SEC22A: variants seen among roughly 807,000 people sequenced by gnomAD.
The protein encoded by SEC22A is vesicle-trafficking protein SEC22a.
SEC22A carries 22 observed loss-of-function variants against 35.3 expected under a neutral mutation model. The ratio of observed to expected loss-of-function variants is 0.62; its 90% CI spans 0.45 to 0.89. The LOEUF (loss-of-function observed/expected upper bound fraction) is 0.89. SEC22A is among the 40% of genes least tolerant of loss of function. SEC22A has a pLI of 0.00. For synonymous variants in SEC22A, 119 were observed against 129.5 expected (o/e 0.92, Z 0.55); for missense variants, 354 against 362.5 (o/e 0.98, Z 0.19).
At chr3:123,211,699 T>C (rs548508886) in intron 2 of SEC22A, among the ~76,000 whole-genome samples, 1 of 152,166 alleles carries the variant, frequency 6.6e-6, no homozygotes, top group South Asian at 2.1e-4. Flanking sequence ...GCTCAAGTGA[T>C]CCTCCTGCTT....
At chr3:123,231,887 T>C (rs1293159289) in intron 4 of SEC22A, among the ~76,000 whole-genome samples, 2 of 152,126 alleles carry the variant, frequency 1.3e-5, no homozygotes, top group Non-Finnish European at 2.9e-5. Context: ...AAAAGTTGGT[T>C]CTTTGAAAAA....
At chr3:123,208,025 G>A (rs968516792) in intron 1 of SEC22A, among the ~76,000 whole-genome samples, 6 of 152,102 alleles carry the variant, frequency 3.9e-5, no homozygotes, top group Admixed American at 3.9e-4. Flanking sequence ...CCATTTCTTA[G>A]AGGTGAGCAT....
In SEC22A at chr3:123,264,752, C is replaced by T. The variant is rs142029270; in HGVS notation, c.723+5163C>T. Among the ~76,000 whole-genome samples the T allele has an allele frequency of 3.3e-3, 507 of 151,858 alleles. 1 individual carries two copies. The highest frequency in any genetic ancestry group is 0.011 in the African/African-American group (468 of 41,372). ...TAAGTGATTCTTCCGCCTTAGCCAC[C>T]CGAGTAGCTAGGATTACAGGTACCC... On this transcript the variant is annotated intron_variant, in intron 6 of 6. Coordinates refer to ENST00000492595, the MANE Select transcript of SEC22A (RefSeq NM_012430.5).
chr3:123,216,318 G>A (rs1230396109), intron 2 of SEC22A, among the ~76,000 whole-genome samples: 2 of 152,084 alleles, frequency 1.3e-5, no homozygotes, highest in Non-Finnish European at 2.9e-5. Context: ...AGTGAGAAAG[G>A]GTGAATTGGG....
intron 3 of SEC22A, 87 bp from the exon 4 acceptor site, chr3:123,225,016 T>G (rs933802350): frequency 6.2e-5 from 51 of 824,436 alleles, no homozygotes; most frequent in South Asian, 1.2e-4. Flanking sequence ...ATAAACTACC[T>G]GTAATATTTA....
chr3:123,245,591 C>T (rs561336316), intron 4 of SEC22A, among the ~76,000 whole-genome samples: 92 of 151,830 alleles, frequency 6.1e-4, no homozygotes, highest in African/African-American at 1.6e-3. Flanking sequence ...CGTAGATAGT[C>T]GGGAATCTGA....
intron 6 of SEC22A, among the ~76,000 whole-genome samples, chr3:123,269,179 ATGTGTGTGTG>A (rs200267944): frequency 1.1e-4 from 13 of 120,736 alleles, no homozygotes; most frequent in East Asian, 4.5e-4. Flanking sequence ...AATTAAATAT[ATGTGTGTGTG>A]TGTGTGTGTG....
At chr3:123,235,549 T>C (rs919503682) in intron 4 of SEC22A, among the ~76,000 whole-genome samples, 8 of 152,184 alleles carry the variant, frequency 5.3e-5, no homozygotes, top group Non-Finnish European at 5.9e-5. Flanking sequence ...GATGAGGATA[T>C]AGAGAAATTG....
chr3:123,261,148 G>C (rs1335488477), intron 6 of SEC22A, among the ~76,000 whole-genome samples: 2 of 151,998 alleles, frequency 1.3e-5, no homozygotes, highest in African/African-American at 4.8e-5. Flanking sequence ...AAAATTGCTT[G>C]ATTTTCTTAA....
chr3:123,247,920 A>G (rs1417406033), intron 5 of SEC22A, among the ~76,000 whole-genome samples: 1 of 152,220 alleles, frequency 6.6e-6, no homozygotes, highest in Non-Finnish European at 1.5e-5. Context: ...CTTAGAAGCC[A>G]ATTAATCCAT....
chr3:123,225,007 TAAAC>T, intron 3 of SEC22A, 92 bp from the exon 4 acceptor site: 1 of 788,858 alleles, frequency 1.3e-6, no homozygotes, highest in South Asian at 2.0e-5. Flanking sequence ...TTTTGAATAA[TAAAC>T]TACCTGTAAT....
At chr3:123,267,771 T>G (rs1938058561) in intron 6 of SEC22A, among the ~76,000 whole-genome samples, 1 of 152,226 alleles carries the variant, frequency 6.6e-6, no homozygotes, top group Admixed American at 6.5e-5. Flanking sequence ...CAAATTATCT[T>G]AATCTTTCAT....
chr3:123,246,784 T>C (rs1192707137), intron 5 of SEC22A, among the ~76,000 whole-genome samples: 2 of 152,258 alleles, frequency 1.3e-5, no homozygotes, highest in Admixed American at 1.3e-4. Context: ...GAATCAGTCC[T>C]CTTTTTTTGG....
intron 6 of SEC22A, among the ~76,000 whole-genome samples, chr3:123,268,038 A>T (rs1938064918): frequency 6.6e-6 from 1 of 152,144 alleles, no homozygotes; most frequent in Non-Finnish European, 1.5e-5. Flanking sequence ...TAGAGGAGGG[A>T]TTCATTGCCA....
At chr3:123,227,374 T>A (rs1937233271) in intron 4 of SEC22A, among the ~76,000 whole-genome samples, 1 of 151,974 alleles carries the variant, frequency 6.6e-6, no homozygotes, top group African/African-American at 2.4e-5. Flanking sequence ...CTTAGACTAG[T>A]CTACTTCATA....
chr3:123,208,077 C>T (rs563773856), intron 1 of SEC22A, among the ~76,000 whole-genome samples: 13 of 152,102 alleles, frequency 8.5e-5, no homozygotes, highest in African/African-American at 3.1e-4. Flanking sequence ...TTTTTCAATC[C>T]CTTTTTCCTT....
rs1937134526 is a variant in SEC22A, at chr3:123,222,143, CT to C, written c.183-1411del. Reference sequence around the variant, plus strand: ...TTATAGCATTTTTTTTTTTTTATTGCTTTTTGGCACAGGATTTGGACTAGTG... The same window carrying C: ...TTATAGCATTTTTTTTTTTTTATTGCTTTTGGCACAGGATTTGGACTAGTG... On this transcript the variant is annotated intron_variant, in intron 2 of 6. Coordinates refer to ENST00000492595, the MANE Select transcript of SEC22A (RefSeq NM_012430.5). 2.8e-5 allele frequency among the ~76,000 whole-genome samples: 4 copies of C among 144,542 alleles called. No individual in the cohort carries two copies. The East Asian group carries it at 6.1e-4, about 22-fold the overall frequency. The allele number at this position is 144,542 out of a possible 152,430, so 94.8% of individuals were successfully genotyped here. A position where few individuals can be genotyped will look rare whatever the true frequency, so the allele number is the denominator to read the frequency against.
At chr3:123,267,582 C>T (rs4677998) in intron 6 of SEC22A, among the ~76,000 whole-genome samples, 5 of 152,130 alleles carry the variant, frequency 3.3e-5, no homozygotes, top group African/African-American at 9.6e-5. Flanking sequence ...TTTTTTTTAA[C>T]CATCAAACAT....
Position 123,265,210 on chromosome 3 carries a change from G to A in SEC22A, c.723+5621G>A, listed in dbSNP as rs577009605. 4.6e-5 allele frequency among the ~76,000 whole-genome samples: 7 copies of A among 152,210 alleles called. No homozygotes were observed. In the East Asian group the frequency reaches 1.2e-3, roughly 25 times the overall value. ...GAGATTAAAGTATACAAGAGGATGTGCATAAGTTAAATGCAAATATTGTGC... is the reference window on the plus strand; with the variant it reads ...GAGATTAAAGTATACAAGAGGATGTACATAAGTTAAATGCAAATATTGTGC... On this transcript the variant is annotated intron_variant, in intron 6 of 6. Transcript: ENST00000492595.
Sources: allele counts gnomAD v4.1 joint callset (sites outside exome capture counted in the v4.1 genomes callset), GRCh38; gene constraint gnomAD v4.1.1; transcripts MANE v1.5; gene names NCBI Gene and HGNC (gene_info 2026-07-23, HGNC 2026-07-21).